The following TMEM71 variants were observed in gnomAD, a reference collection of about 807,000 sequenced individuals.
TMEM71 encodes transmembrane protein 71.
TMEM71 carries 44 observed loss-of-function variants against 38.0 expected under a neutral mutation model. The ratio of observed to expected loss-of-function variants is 1.16; its 90% CI spans 0.91 to 1.49. TMEM71 has a LOEUF of 1.49. Among genes scored for constraint, TMEM71 ranks in the 40% most tolerant of loss-of-function variants. TMEM71 has a pLI of 0.00. For synonymous variants in TMEM71, 133 were observed against 122.5 expected, an observed-to-expected ratio of 1.09 and a Z score of -0.56; for missense variants, 367 against 348.6, an observed-to-expected ratio of 1.05 and a Z score of -0.42.
chr8:132,731,484 A>G (rs1827451108), intron 5 of TMEM71, among the ~76,000 whole-genome samples: 1 of 152,190 alleles, frequency 6.6e-6, no homozygotes, highest in African/African-American at 2.4e-5. Context: ...CCTGCTCCAG[A>G]CATTTCTAGG....
At chr8:132,750,883 C>A (rs1243584881) in intron 4 of TMEM71, among the ~76,000 whole-genome samples, 1 of 152,174 alleles carries the variant, frequency 6.6e-6, no homozygotes, top group East Asian at 1.9e-4. Context: ...CCTCCCACAT[C>A]TTTGGATGAT....
intron 6 of TMEM71, 86 bp from the exon 7 acceptor site, chr8:132,722,201 G>T (rs1826893108): frequency 2.5e-5 from 22 of 875,792 alleles, no homozygotes; most frequent in African/African-American, 5.6e-5. Context: ...AACTTCCCTT[G>T]TACCCACCAA....
chr8:132,773,938 A>G, the TMEM71 span, among the ~76,000 whole-genome samples: 1 of 152,196 alleles, frequency 6.6e-6, no homozygotes, highest in Non-Finnish European at 1.5e-5. Context: ...TTTTCCTTAT[A>G]CAACACAGTA....
chr8:132,742,167 G>T (rs1274577560), intron 5 of TMEM71, among the ~76,000 whole-genome samples: 2 of 152,182 alleles, frequency 1.3e-5, no homozygotes, highest in African/African-American at 4.8e-5. Context: ...AAGAGTAATT[G>T]CTACAAACCA....
chr8:132,724,498 G>T (rs1421057563), intron 6 of TMEM71, among the ~76,000 whole-genome samples: 1 of 151,970 alleles, frequency 6.6e-6, no homozygotes, highest in Non-Finnish European at 1.5e-5. Flanking sequence ...AGCTGTTTTT[G>T]CCCGACCCCG....
At chr8:132,736,016 G>A (rs1827726352) in intron 5 of TMEM71, among the ~76,000 whole-genome samples, 1 of 152,180 alleles carries the variant, frequency 6.6e-6, no homozygotes, top group Non-Finnish European at 1.5e-5. Flanking sequence ...GCCTGTTCTT[G>A]GTTAAGAAGA....
At chr8:132,733,544 C>A (rs1827577668) in intron 5 of TMEM71, among the ~76,000 whole-genome samples, 1 of 152,174 alleles carries the variant, frequency 6.6e-6, no homozygotes, top group Non-Finnish European at 1.5e-5. Flanking sequence ...TCCTACTAAC[C>A]CTGCAGGCTT....
intron 3 of TMEM71, among the ~76,000 whole-genome samples, chr8:132,753,371 A>C (rs901352237): frequency 6.6e-6 from 1 of 152,150 alleles, no homozygotes; most frequent in Non-Finnish European, 1.5e-5. Context: ...TGTGCTCTTT[A>C]CCTTGATGTT....
In TMEM71 at chr8:132,718,302, A is replaced by G. The variant is rs1203050695; in HGVS notation, c.752+3738T>C. 9.2e-5 allele frequency among the ~76,000 whole-genome samples: 14 copies of G among 152,346 alleles called. No individual in the cohort carries two copies. In the East Asian group the frequency reaches 2.5e-3, roughly 27 times the overall value. On this transcript the variant is annotated intron_variant, in intron 7 of 9. Coordinates refer to ENST00000677595, the MANE Select transcript of TMEM71 (RefSeq NM_001382403.1). ...TAGCATTTTACATATGTCATTTCACACAATAAATTATTTGAAAAGGCCTGG... is the reference window on the plus strand; with the variant it reads ...TAGCATTTTACATATGTCATTTCACGCAATAAATTATTTGAAAAGGCCTGG...
At chr8:132,720,891 C>T (rs754707724) in intron 7 of TMEM71, among the ~76,000 whole-genome samples, 1 of 152,194 alleles carries the variant, frequency 6.6e-6, no homozygotes, top group Non-Finnish European at 1.5e-5. Context: ...GAGGGAGACG[C>T]ACAATGTGTC....
downstream of TMEM71, among the ~76,000 whole-genome samples, chr8:132,707,870 A>G (rs1826115475): frequency 6.6e-6 from 1 of 152,148 alleles, no homozygotes; most frequent in Non-Finnish European, 1.5e-5. Flanking sequence ...CACAGAATGA[A>G]TGGTGCCTAC....
chr8:132,713,880 G>T lies in TMEM71; in HGVS notation c.872+115C>A, dbSNP rs79554334. The T allele has an allele frequency of 5.5e-4, 548 of 988,034 alleles. 1 individual carries two copies. The African/African-American group carries it at 7.8e-3, about 14-fold the overall frequency. 61.2% of individuals were successfully genotyped at this position (988,034 alleles called of 1,614,324 possible). On this transcript the variant is annotated intron_variant, in intron 9 of 9. Transcript: ENST00000677595. ...AGTAACAGAAAGTAGTCTTCAGGAC[G>T]AATGATCAGGATGTTTCCTGTCATT...
At position 132,710,041 on chromosome 8, in the gene TMEM71, C is replaced by A. The variant is rs1205450947; in HGVS notation, c.*926G>T. 6.6e-6 allele frequency: 1 copy of A among 151,998 alleles called. No homozygotes were observed. The highest frequency in any genetic ancestry group is 2.1e-4 in the South Asian group (1 of 4,828). The allele number at this position is 151,998 out of a possible 1,614,324, so 9.4% of individuals were successfully genotyped here. ...AAGTTATATTTTGGCATTATCATTT[C>A]GAGCAAAGACAATTTTCTGCATGTA... On this transcript the variant is annotated 3_prime_UTR_variant, in exon 10 of 10. Coordinates refer to ENST00000677595, the MANE Select transcript of TMEM71 (RefSeq NM_001382403.1).
rs766902419 is a variant in TMEM71, at chr8:132,727,927, C to T, written c.547G>A (p.Glu183Lys). 6.2e-7 allele frequency: 1 copy of T among 1,614,056 alleles called. No homozygotes were observed. Among genetic ancestry groups the T allele is most frequent in the Non-Finnish European group, 8.5e-7 (1 of 1,180,004 alleles). The change falls in exon 6 of 10, where the codon GAG becomes AAG. Residue 183 changes from glutamate to lysine, a missense_variant. Transcript: ENST00000677595. The stretch of plus-strand genomic sequence containing the variant: ...CTGGAAGAGGAGGTGATCACAGACT[C>T]TGCATTCATCTTCCCTGACTCCCAG... ...DDWESGKMNA[E>K]SVITSSSSHI...
At chr8:132,709,284 G>A (rs560652904), downstream of TMEM71, among the ~76,000 whole-genome samples, 8 of 152,288 alleles carry the variant, frequency 5.3e-5, no homozygotes, top group South Asian at 2.1e-4. Context: ...ATTCATGCAC[G>A]TGGATTGTGG....
At chr8:132,755,208 G>T (rs1344344416) in intron 3 of TMEM71, among the ~76,000 whole-genome samples, 1 of 151,904 alleles carries the variant, frequency 6.6e-6, no homozygotes, top group African/African-American at 2.4e-5. Context: ...TAATCCCCTG[G>T]CATCTTTCCT....
At chr8:132,739,372 C>A (rs1307297017) in intron 5 of TMEM71, among the ~76,000 whole-genome samples, 1 of 152,066 alleles carries the variant, frequency 6.6e-6, no homozygotes, top group Non-Finnish European at 1.5e-5. Flanking sequence ...AGTGCAGTGG[C>A]GCGGTCTCCG....
At chr8:132,761,616 C>T (rs115797780), upstream of TMEM71, among the ~76,000 whole-genome samples, 1,247 of 152,332 alleles carry the variant, frequency 8.2e-3, 23 homozygotes, top group African/African-American at 0.028. Flanking sequence ...GAGGGCCCAT[C>T]TAATTTCAAA....
intron 3 of TMEM71, among the ~76,000 whole-genome samples, chr8:132,757,022 G>A (rs1829056461): frequency 6.6e-6 from 1 of 151,672 alleles, no homozygotes; most frequent in African/African-American, 2.4e-5. Flanking sequence ...AAGTAGCTGG[G>A]ACTGCAGGGG....
Sources: gnomAD v4.1 joint callset for allele counts (sites outside exome capture counted in the v4.1 genomes callset) on GRCh38, gnomAD v4.1.1 for gene constraint, MANE v1.5 for transcripts, NCBI Gene and HGNC (gene_info 2026-07-23, HGNC 2026-07-21) for gene names.